Variants in CFAP299 observed in about 807,000 individuals in gnomAD.
The protein encoded by CFAP299 is cilia and flagella associated protein 299, also known as cilia- and flagella-associated protein 299.
CFAP299 carries 21 observed loss-of-function variants against 27.0 expected under a neutral mutation model. The ratio of observed to expected loss-of-function variants is 0.78; its 90% CI spans 0.55 to 1.12. The LOEUF (loss-of-function observed/expected upper bound fraction) is 1.12. Ranked by LOEUF, CFAP299 falls within the 50% of genes most tolerant of loss-of-function variation. CFAP299 has a pLI of 0.00. For missense variants in CFAP299, 310 were observed against 276.6 expected, an observed-to-expected ratio of 1.12 and a Z score of -0.86; for synonymous variants, 104 against 98.1, an observed-to-expected ratio of 1.06 and a Z score of -0.36.
chr4:80,842,996 A>G (rs1730947098), intron 3 of CFAP299, among the ~76,000 whole-genome samples: 1 of 152,022 alleles, frequency 6.6e-6, no homozygotes, highest in African/African-American at 2.4e-5. Context: ...AATTCTAATC[A>G]TGAAGGGTTG....
intron 3 of CFAP299, among the ~76,000 whole-genome samples, chr4:80,647,456 A>G (rs531902197): frequency 6.6e-6 from 1 of 152,266 alleles, no homozygotes. Flanking sequence ...TAAGATGTGG[A>G]GTCCAAATAT....
intron 4 of CFAP299, among the ~76,000 whole-genome samples, chr4:80,893,141 AAAAAT>A (rs1734429674): frequency 6.6e-6 from 1 of 151,864 alleles, no homozygotes; most frequent in African/African-American, 2.4e-5. Context: ...TAGTAGCATC[AAAAAT>A]AAAATAAAAT....
At chr4:80,800,057 A>T (rs1253511881) in intron 3 of CFAP299, among the ~76,000 whole-genome samples, 1 of 67,684 alleles carries the variant, frequency 1.5e-5, no homozygotes, top group Non-Finnish European at 2.5e-5. Flanking sequence ...AATAAATGCT[A>T]TAATATATAT....
chr4:80,799,675 ATATT>A (rs1728201071), intron 3 of CFAP299, among the ~76,000 whole-genome samples: 1 of 39,452 alleles, frequency 2.5e-5, no homozygotes. Flanking sequence ...TTATAAATAT[ATATT>A]TATAAATATA....
chr4:80,493,033 C>A (rs1003495800), intron 2 of CFAP299, among the ~76,000 whole-genome samples: 1 of 152,096 alleles, frequency 6.6e-6, no homozygotes, highest in Non-Finnish European at 1.5e-5. Context: ...CTAGGAGGGG[C>A]AGCCTCTGTA....
intron 3 of CFAP299, among the ~76,000 whole-genome samples, chr4:80,769,539 C>A (rs536666507): frequency 6.6e-6 from 1 of 152,184 alleles, no homozygotes; most frequent in South Asian, 2.1e-4. Context: ...GACTACAAGG[C>A]ATAAGCCACC....
chr4:80,890,583 G>A, intron 4 of CFAP299, among the ~76,000 whole-genome samples: 1 of 149,656 alleles, frequency 6.7e-6, no homozygotes, highest in Non-Finnish European at 1.5e-5. Flanking sequence ...CCCAGTAATG[G>A]GATGGCTGGG....
chr4:80,951,334 G>A (rs1737766132), intron 5 of CFAP299, among the ~76,000 whole-genome samples: 1 of 152,148 alleles, frequency 6.6e-6, no homozygotes, highest in African/African-American at 2.4e-5. Flanking sequence ...ACAAGGTTTG[G>A]AAGGCATGTG....
intron 3 of CFAP299, among the ~76,000 whole-genome samples, chr4:80,639,172 C>G (rs938679126): frequency 1.3e-5 from 2 of 152,102 alleles, no homozygotes; most frequent in African/African-American, 4.8e-5. Context: ...TATTCCATAA[C>G]CCAGGTGCTG....
chr4:80,422,573 C>T (rs1385146700), intron 2 of CFAP299, among the ~76,000 whole-genome samples: 1 of 152,054 alleles, frequency 6.6e-6, no homozygotes, highest in East Asian at 1.9e-4. Flanking sequence ...ATTATTCATT[C>T]TATCAGTTGT....
chr4:80,701,723 T>C (rs910518543), intron 3 of CFAP299, among the ~76,000 whole-genome samples: 2 of 151,974 alleles, frequency 1.3e-5, no homozygotes, highest in African/African-American at 4.8e-5. Flanking sequence ...TCCTTCTTGC[T>C]TTTAGCACTG....
At chr4:80,558,075 A>G (rs545526119) in intron 2 of CFAP299, among the ~76,000 whole-genome samples, 4 of 152,252 alleles carry the variant, frequency 2.6e-5, no homozygotes, top group African/African-American at 9.6e-5. Flanking sequence ...AATAATGGTC[A>G]ACACAACTGA....
intron 2 of CFAP299, among the ~76,000 whole-genome samples, chr4:80,563,450 T>C (rs1006752952): frequency 6.6e-6 from 1 of 152,038 alleles, no homozygotes; most frequent in Non-Finnish European, 1.5e-5. Flanking sequence ...GAGTGACCAG[T>C]TGGTCAATGA....
intron 2 of CFAP299, among the ~76,000 whole-genome samples, chr4:80,480,355 G>A (rs1730499974): frequency 6.6e-6 from 1 of 151,858 alleles, no homozygotes; most frequent in South Asian, 2.1e-4. Context: ...GCTCTGCAGA[G>A]GGTACGCAAA....
At chr4:80,927,994 G>A (rs896595466) in intron 4 of CFAP299, among the ~76,000 whole-genome samples, 4 of 151,944 alleles carry the variant, frequency 2.6e-5, no homozygotes, top group Admixed American at 1.3e-4. Context: ...ACTTGATAAC[G>A]TATCCACCAA....
At chr4:80,701,170 T>C (rs1357220116) in intron 3 of CFAP299, among the ~76,000 whole-genome samples, 1 of 151,996 alleles carries the variant, frequency 6.6e-6, no homozygotes, top group East Asian at 1.9e-4. Flanking sequence ...GGGTTAGAAT[T>C]GAGAACACAA....
At chr4:80,571,851 C>T (rs1222443305) in intron 2 of CFAP299, among the ~76,000 whole-genome samples, 1 of 152,152 alleles carries the variant, frequency 6.6e-6, no homozygotes, top group African/African-American at 2.4e-5. Flanking sequence ...TGATCCCTCA[C>T]TTCCAGCCTA....
intron 2 of CFAP299, among the ~76,000 whole-genome samples, chr4:80,408,111 C>T (rs926604450): frequency 6.6e-6 from 1 of 152,122 alleles, no homozygotes; most frequent in African/African-American, 2.4e-5. Flanking sequence ...ATGTACATGT[C>T]CCCTAATGCA....
At chr4:80,869,939 A>G (rs1459850178) in intron 3 of CFAP299, 54 bp from the exon 4 acceptor site, 2 of 1,522,856 alleles carry the variant, frequency 1.3e-6, no homozygotes, top group Admixed American at 1.9e-5. Context: ...ATGGCATTCC[A>G]TAATAAATCA....
Sources: gnomAD v4.1 joint callset for allele counts (sites outside exome capture counted in the v4.1 genomes callset) on GRCh38, gnomAD v4.1.1 for gene constraint, MANE v1.5 for transcripts, NCBI Gene and HGNC (gene_info 2026-07-23, HGNC 2026-07-21) for gene names.